The following RGL1 variants were observed in gnomAD, a reference collection of about 807,000 sequenced individuals.
The protein encoded by RGL1 is ral guanine nucleotide dissociation stimulator like 1, also known as ral guanine nucleotide dissociation stimulator-like 1.
A neutral mutation model predicts 95.2 loss-of-function variants in RGL1; 24 were observed. The ratio of observed to expected loss-of-function variants is 0.25; its 90% CI spans 0.18 to 0.35. The LOEUF (loss-of-function observed/expected upper bound fraction) is 0.35. RGL1 is among the 10% of genes least tolerant of loss of function. RGL1 has a pLI of 1.00. For missense variants in RGL1, 715 were observed against 936.3 expected (o/e 0.76, Z 3.08); for synonymous variants, 329 against 344.9 (o/e 0.95, Z 0.51).
chr1:183,856,662 G>GT (rs1395765104), intron 3 of RGL1, among the ~76,000 whole-genome samples: 4 of 149,602 alleles, frequency 2.7e-5, no homozygotes, highest in Admixed American at 6.7e-5. Flanking sequence ...ATGTTAAGGT[G>GT]TTTTTTAAAA....
chr1:183,919,489 T>C (rs1669188626), intron 16 of RGL1, among the ~76,000 whole-genome samples: 1 of 152,154 alleles, frequency 6.6e-6, no homozygotes, highest in Non-Finnish European at 1.5e-5. Context: ...ATAATTTTGA[T>C]CTCATGGATC....
At chr1:183,640,999 G>A (rs994670132) in intron 1 of RGL1, among the ~76,000 whole-genome samples, 16 of 152,234 alleles carry the variant, frequency 1.1e-4, no homozygotes, top group African/African-American at 3.4e-4. Flanking sequence ...GAATTTATGA[G>A]TGTAGTGAAT....
intron 5 of RGL1, among the ~76,000 whole-genome samples, chr1:183,882,609 G>A (rs956317726): frequency 2.6e-5 from 4 of 152,160 alleles, no homozygotes; most frequent in Admixed American, 1.3e-4. Context: ...CCCCTTCTAC[G>A]TTTTTCAGTC....
intron 1 of RGL1, among the ~76,000 whole-genome samples, chr1:183,734,978 C>T (rs563223923): frequency 6.5e-4 from 99 of 152,210 alleles, no homozygotes; most frequent in Admixed American, 3.1e-3. Context: ...CCCTCTGTGC[C>T]GAGCAGGGAT....
At chr1:183,711,944 C>G (rs1042880924) in intron 1 of RGL1, among the ~76,000 whole-genome samples, 2 of 152,176 alleles carry the variant, frequency 1.3e-5, no homozygotes, top group Admixed American at 6.5e-5. Context: ...GAGTAAGCCT[C>G]TCAGTTTTCC....
chr1:183,739,039 A>G (rs1657125149), intron 1 of RGL1, among the ~76,000 whole-genome samples: 1 of 152,236 alleles, frequency 6.6e-6, no homozygotes, highest in South Asian at 2.1e-4. Flanking sequence ...CCCTTGTTCA[A>G]AAATTAAGAA....
At chr1:183,731,571 T>A (rs1656630459) in intron 1 of RGL1, among the ~76,000 whole-genome samples, 5 of 152,188 alleles carry the variant, frequency 3.3e-5, no homozygotes. Context: ...TCCTTAAGCA[T>A]TAAAGTTACA....
At chr1:183,905,105 A>G in intron 13 of RGL1, 134 bp downstream of exon 13, 1 of 1,105,830 alleles carries the variant, frequency 9.0e-7, no homozygotes, top group Non-Finnish European at 1.3e-6. Context: ...CTTGGTTTTC[A>G]AAGGCGCATG....
chr1:183,699,195 C>T lies in RGL1; in HGVS notation c.-32-42931C>T, dbSNP rs577570230. Among the ~76,000 whole-genome samples, 5 of 152,320 alleles carry T rather than the reference C, an allele frequency of 3.3e-5. No individual in the cohort carries two copies. In the East Asian group the frequency reaches 9.6e-4, roughly 29 times the overall value. On this transcript the variant is annotated intron_variant, in intron 1 of 18. Transcript: ENST00000304685. ...AGCTCAGGAGGTAATAGGGTTCACC[C>T]AGTGTGTTTCCTTCACATGTGTTGA...
rs376126257 is a variant in RGL1, at chr1:183,761,745, A to G, written c.132+19456A>G. Among the ~76,000 whole-genome samples the G allele has an allele frequency of 2.0e-4, 30 of 152,344 alleles. No homozygotes were observed. The South Asian group carries it at 5.6e-3, about 28-fold the overall frequency. On this transcript the variant is annotated intron_variant, in intron 2 of 18. Transcript: ENST00000304685. ...GTCCAAAACGGCATCTTCTTCCAAT[A>G]TAAGACTATTTTGTCTACATTGAAA... is the stretch of plus-strand genomic sequence containing the variant.
intron 1 of RGL1, among the ~76,000 whole-genome samples, chr1:183,657,275 A>G (rs1311457405): frequency 6.6e-6 from 1 of 152,082 alleles, no homozygotes; most frequent in Non-Finnish European, 1.5e-5. Flanking sequence ...TTCAGTGTAT[A>G]AATCTTTCTT....
intron 1 of RGL1, among the ~76,000 whole-genome samples, chr1:183,662,197 G>C (rs1651685176): frequency 6.6e-6 from 1 of 151,514 alleles, no homozygotes; most frequent in Non-Finnish European, 1.5e-5. Flanking sequence ...GATAGTGTTG[G>C]AAGTTCTGGC....
intron 9 of RGL1, among the ~76,000 whole-genome samples, chr1:183,893,875 A>C (rs984388541): frequency 3.3e-5 from 5 of 152,186 alleles, no homozygotes; most frequent in Non-Finnish European, 7.4e-5. Context: ...CCTGGCATGC[A>C]GTAAGTGTTC....
intron 2 of RGL1, among the ~76,000 whole-genome samples, chr1:183,770,950 CCT>C (rs976197338): frequency 6.6e-6 from 1 of 152,154 alleles, no homozygotes; most frequent in African/African-American, 2.4e-5. Context: ...CCCTCCCTCC[CCT>C]GTGGATGAGG....
chr1:183,885,761 A>G (rs2102651887), intron 7 of RGL1, among the ~76,000 whole-genome samples: 1 of 152,304 alleles, frequency 6.6e-6, no homozygotes, highest in Admixed American at 6.5e-5. Flanking sequence ...CAAGGAAGCT[A>G]AGATATACTG....
chr1:183,898,719 C>CA (rs1414413355), intron 10 of RGL1, among the ~76,000 whole-genome samples: 4 of 152,048 alleles, frequency 2.6e-5, no homozygotes, highest in Admixed American at 1.3e-4. Context: ...TAGCTGTTAC[C>CA]AAAAAAATAG....
chr1:183,796,164 A>ATTT (rs566005120), intron 2 of RGL1, among the ~76,000 whole-genome samples: 4 of 128,090 alleles, frequency 3.1e-5, no homozygotes, highest in Non-Finnish European at 6.8e-5. Flanking sequence ...TTGTATTCCT[A>ATTT]TTTTTTTTTT....
chr1:183,700,180 A>C (rs905788541), intron 1 of RGL1, among the ~76,000 whole-genome samples: 4 of 152,102 alleles, frequency 2.6e-5, no homozygotes, highest in Admixed American at 6.5e-5. Flanking sequence ...AGTCCCATAA[A>C]AAGCCATACT....
At chr1:183,900,008 T>TA (rs906760179) in intron 10 of RGL1, 142 bp from the exon 11 acceptor site, 10 of 569,250 alleles carry the variant, frequency 1.8e-5, no homozygotes, top group Non-Finnish European at 2.9e-5. Flanking sequence ...TGTAGAAATT[T>TA]AAAAAATGTT....
Sources: allele counts gnomAD v4.1 joint callset (sites outside exome capture counted in the v4.1 genomes callset), GRCh38; gene constraint gnomAD v4.1.1; transcripts MANE v1.5; gene names NCBI Gene and HGNC (gene_info 2026-07-23, HGNC 2026-07-21).